RIGI: variants seen among roughly 807,000 people sequenced by gnomAD.
The protein encoded by RIGI is antiviral innate immune response receptor RIG-I.
At chr9:32,524,491 G>C in the RIGI span, among the ~76,000 whole-genome samples, 1 of 151,200 alleles carries the variant, frequency 6.6e-6, no homozygotes, top group African/African-American at 2.4e-5. Flanking sequence ...TTAGTTGCCG[G>C]TCTTAACGCC....
chr9:32,470,766 T>C, the RIGI span, among the ~76,000 whole-genome samples: 1 of 152,208 alleles, frequency 6.6e-6, no homozygotes, highest in African/African-American at 2.4e-5. Context: ...CAGCTTTTTG[T>C]AAAAAAAGGT....
At chr9:32,463,571 T>C in the RIGI span, among the ~76,000 whole-genome samples, 1 of 152,212 alleles carries the variant, frequency 6.6e-6, no homozygotes. Context: ...AGTGTTACTC[T>C]AGGCAATAGG....
At chr9:32,500,017 T>C in the RIGI span, among the ~76,000 whole-genome samples, 1 of 152,246 alleles carries the variant, frequency 6.6e-6, no homozygotes, top group Non-Finnish European at 1.5e-5. Flanking sequence ...TGATGTCTAA[T>C]ATATCAGGTT....
the RIGI span, among the ~76,000 whole-genome samples, chr9:32,476,522 A>G: frequency 8.5e-5 from 13 of 152,286 alleles, no homozygotes; most frequent in African/African-American, 2.9e-4. Context: ...GGGAAAAAAA[A>G]ACAACACAGT....
chr9:32,502,744 G>C, the RIGI span, among the ~76,000 whole-genome samples: 1 of 152,156 alleles, frequency 6.6e-6, no homozygotes, highest in African/African-American at 2.4e-5. Flanking sequence ...CTTGGCTTGT[G>C]ACAACACTCC....
the RIGI span, among the ~76,000 whole-genome samples, chr9:32,497,733 AGAGC>A: frequency 6.6e-6 from 1 of 152,246 alleles, no homozygotes; most frequent in Admixed American, 6.5e-5. Flanking sequence ...CCTGGGCGAC[AGAGC>A]GAGACTCCGT....
the RIGI span, among the ~76,000 whole-genome samples, chr9:32,463,656 C>T: frequency 6.6e-6 from 1 of 152,062 alleles, no homozygotes; most frequent in Admixed American, 6.6e-5. Context: ...GGTAAAGAGG[C>T]TCAACCAATC....
At chr9:32,485,558 T>C in the RIGI span, 3 of 457,390 alleles carry the variant, frequency 6.6e-6, no homozygotes, top group East Asian at 1.8e-4. Context: ...TTTTTTTGAT[T>C]GAGACCAAGT....
the RIGI span, chr9:32,467,742 G>A: frequency 6.5e-7 from 1 of 1,547,698 alleles, no homozygotes. Context: ...ATGTAGGAAT[G>A]GCCTCAAAGC....
chr9:32,459,234 T>C, the RIGI span: 1 of 1,123,328 alleles, frequency 8.9e-7, no homozygotes, highest in Non-Finnish European at 1.3e-6. Context: ...TTTTCACTTC[T>C]TAGCTTTTTT....
At chr9:32,513,878 AAAAG>A in the RIGI span, among the ~76,000 whole-genome samples, 2 of 152,176 alleles carry the variant, frequency 1.3e-5, no homozygotes, top group African/African-American at 4.8e-5. Context: ...AAACAAATTT[AAAAG>A]AAAGAAACAA....
At chr9:32,459,786 A>T in the RIGI span, among the ~76,000 whole-genome samples, 1 of 152,222 alleles carries the variant, frequency 6.6e-6, no homozygotes, top group Non-Finnish European at 1.5e-5. Context: ...TCCATAGAAT[A>T]GTCATATGAA....
At chr9:32,474,326 A>C in the RIGI span, among the ~76,000 whole-genome samples, 1 of 152,178 alleles carries the variant, frequency 6.6e-6, no homozygotes, top group Non-Finnish European at 1.5e-5. Context: ...AACACTGATA[A>C]AAGAAACCAA....
chr9:32,465,508 A>G, the RIGI span, among the ~76,000 whole-genome samples: 3 of 152,184 alleles, frequency 2.0e-5, no homozygotes, highest in East Asian at 1.9e-4. Context: ...ATTTTATGCC[A>G]GGCGCTAAGA....
At chr9:32,487,719 T>C in the RIGI span, 1 of 1,506,652 alleles carries the variant, frequency 6.6e-7, no homozygotes. Context: ...CCTGCTGGGG[T>C]AGGGCGTTTT....
At chr9:32,526,142 G>A in the RIGI span, 1 of 1,613,682 alleles carries the variant, frequency 6.2e-7, no homozygotes, top group African/African-American at 1.3e-5. Context: ...AAGGCTTGCA[G>A]GCTGCGTCGC....
At chr9:32,525,156 ATAAG>A in the RIGI span, among the ~76,000 whole-genome samples, 4 of 152,196 alleles carry the variant, frequency 2.6e-5, no homozygotes, top group Non-Finnish European at 5.9e-5. Context: ...CTTTTGCCTA[ATAAG>A]AAGGGCTGTG....
At chr9:32,510,978 C>T in the RIGI span, among the ~76,000 whole-genome samples, 2 of 150,734 alleles carry the variant, frequency 1.3e-5, no homozygotes, top group Non-Finnish European at 3.0e-5. Context: ...CAACAAAGAT[C>T]AAAAAAGAGA....
the RIGI span, among the ~76,000 whole-genome samples, chr9:32,457,751 G>A: frequency 1.3e-5 from 2 of 152,182 alleles, no homozygotes; most frequent in African/African-American, 4.8e-5. Context: ...CTGAAAATTT[G>A]TGAAGCTGAA....
Sources: gnomAD v4.1 joint callset for allele counts (sites outside exome capture counted in the v4.1 genomes callset) on GRCh38, gnomAD v4.1.1 for gene constraint, MANE v1.5 for transcripts, NCBI Gene and HGNC (gene_info 2026-07-23, HGNC 2026-07-21) for gene names.